The following ZER1 variants were observed in gnomAD, a reference collection of about 807,000 sequenced individuals.
The protein encoded by ZER1 is protein zer-1 homolog.
In ZER1, 11 loss-of-function variants were observed where a neutral mutation model predicts 78.8. The ratio of observed to expected loss-of-function variants is 0.14; its 90% confidence interval spans 0.09 to 0.23. ZER1 has a LOEUF of 0.23. ZER1 is among the 10% of genes least tolerant of loss of function. The probability of loss-of-function intolerance (pLI) is 1.00; values close to 1 mark genes in which losing one functional copy is unlikely to be tolerated. For missense variants in ZER1, 588 were observed against 996.9 expected, an observed-to-expected ratio of 0.59 and a Z score of 5.52; for synonymous variants, 400 against 407.0, an observed-to-expected ratio of 0.98 and a Z score of 0.21.
intron 13 of ZER1, among the ~76,000 whole-genome samples, chr9:128,736,837 G>A (rs1373737484): frequency 6.6e-6 from 1 of 151,936 alleles, no homozygotes; most frequent in Non-Finnish European, 1.5e-5. Context: ...CACCATGCCT[G>A]GCTAATTAAA....
At chr9:128,769,174 C>T (rs1864308013) in intron 1 of ZER1, among the ~76,000 whole-genome samples, 1 of 152,224 alleles carries the variant, frequency 6.6e-6, no homozygotes, top group Middle Eastern at 3.4e-3. Flanking sequence ...TCTTGCTTTC[C>T]CCAATATTTC....
At chr9:128,734,144 A>AAATATATATATATATATATATATATATAT in intron 14 of ZER1, among the ~76,000 whole-genome samples, 4 of 14,410 alleles carry the variant, frequency 2.8e-4, no homozygotes, top group Non-Finnish European at 5.8e-4. Flanking sequence ...AAAAAAAAAA[A>AAATATATATATATATATATATATATATAT]ATATATATAT....
chr9:128,734,483 C>T (rs1440087068), intron 14 of ZER1, among the ~76,000 whole-genome samples: 2 of 151,524 alleles, frequency 1.3e-5, no homozygotes, highest in African/African-American at 4.8e-5. Context: ...AGGCATGAGC[C>T]ACTGCACCCG....
At chr9:128,764,266 G>A (rs1432548983) in intron 1 of ZER1, among the ~76,000 whole-genome samples, 1 of 152,144 alleles carries the variant, frequency 6.6e-6, no homozygotes, top group African/African-American at 2.4e-5. Flanking sequence ...GCCATCAGAG[G>A]TCTGCACGAG....
At position 128,753,491 on chromosome 9, in the gene ZER1, G is replaced by C; in HGVS notation, c.419C>G (p.Thr140Arg). The C allele has an allele frequency of 6.2e-7, 1 of 1,614,118 alleles. No homozygotes were observed. The highest frequency in any genetic ancestry group is 8.5e-7 in the Non-Finnish European group (1 of 1,180,020). ...GTTCTCCTCCTCATAGAAAATGTTTGTACAGCCGAAGAGGCTCAAGGACAC... is the reference window on the plus strand; with the variant it reads ...GTTCTCCTCCTCATAGAAAATGTTTCTACAGCCGAAGAGGCTCAAGGACAC... ...TLVSLSLFGC[T>R]NIFYEEENPG... The change falls in exon 4 of 16, where the codon ACA (threonine) becomes AGA (arginine). Residue 140 changes from threonine (T) to arginine (R), a missense_variant. Coordinates refer to ENST00000291900, the MANE Select transcript of ZER1 (RefSeq NM_006336.4). The surrounding 1 kb of genome is among the most constrained non-coding windows in gnomAD (Gnocchi z 7.5).
At chr9:128,765,594 C>T (rs923524827) in intron 1 of ZER1, among the ~76,000 whole-genome samples, 6 of 152,178 alleles carry the variant, frequency 3.9e-5, no homozygotes, top group African/African-American at 1.2e-4. Context: ...TGTCCTGATA[C>T]CCAGAGGACA....
rs561869556 is a variant in ZER1, at chr9:128,750,546, G to A, written c.1359+70C>T. 2.6e-6 allele frequency: 4 copies of A among 1,563,240 alleles called. No homozygotes were observed. In the East Asian group the frequency reaches 6.8e-5, roughly 26 times the overall value. On this transcript the variant is annotated intron_variant, in intron 8 of 15. Transcript: ENST00000291900. ...GCAGCCCAGAGCCGGGGGAGCCCTAGCGGGACGCAAGAAGCAGGAAAGGGG... is the reference window on the plus strand; with the variant it reads ...GCAGCCCAGAGCCGGGGGAGCCCTAACGGGACGCAAGAAGCAGGAAAGGGG...
intron 1 of ZER1, among the ~76,000 whole-genome samples, chr9:128,768,488 G>C (rs1318150080): frequency 1.3e-5 from 2 of 152,146 alleles, no homozygotes; most frequent in Non-Finnish European, 2.9e-5. Context: ...GAGGCCCAGA[G>C]AGGAGATGGA....
chr9:128,753,102 C>A lies in ZER1; in HGVS notation c.746+62G>T. 6.9e-7 allele frequency: 1 copy of A among 1,454,722 alleles called. No homozygotes were observed. Among genetic ancestry groups the A allele is most frequent in the East Asian group, 2.5e-5 (1 of 40,334 alleles). 90.1% of individuals were successfully genotyped at this position (1,454,722 alleles called of 1,614,324 possible). On this transcript the variant is annotated intron_variant, in intron 4 of 15. Transcript: ENST00000291900. The surrounding 1 kb of genome is among the most constrained non-coding windows in gnomAD (Gnocchi z 7.5). Reference sequence around the variant, plus strand: ...ACCCTGAGGGCGTGACAACACCCACCTCTACTCCTCCCCACCTGCCCCCCA... The same window carrying A: ...ACCCTGAGGGCGTGACAACACCCACATCTACTCCTCCCCACCTGCCCCCCA...
Position 128,741,793 on chromosome 9 carries a change from G to A in ZER1, c.1617+7C>T. ...GGGTAGCGTGGCTTCGTGAAGACTT[G>A]ACTTACTGTCTTGTCCAGCAGCTTC... On this transcript the variant is annotated splice_region_variant and intron_variant, in intron 10 of 15. Coordinates refer to ENST00000291900, the MANE Select transcript of ZER1 (RefSeq NM_006336.4). 1.9e-6 allele frequency: 3 copies of A among 1,614,196 alleles called. No individual in the cohort carries two copies. The highest frequency in any genetic ancestry group is 2.5e-6 in the Non-Finnish European group (3 of 1,180,038).
intron 13 of ZER1, among the ~76,000 whole-genome samples, 177 bp from the exon 14 acceptor site, chr9:128,735,608 C>T (rs2132390934): frequency 6.6e-6 from 1 of 152,112 alleles, no homozygotes; most frequent in South Asian, 2.1e-4. Flanking sequence ...CAACAAGGTT[C>T]CCTTGGAGAG....
rs745866639 is a variant in ZER1 at position 128,751,140 on chromosome 9, C to T, written c.1167G>A (p.Gln389=). ...FDIARIERCN[Q]LLRALKLVIT... Reference sequence around the variant, plus strand: ...AGCTGACCTTCAGGGCCCGCAGCAGCTGGTTGCAACGCTCGATGCGGGCGA... The same window carrying T: ...AGCTGACCTTCAGGGCCCGCAGCAGTTGGTTGCAACGCTCGATGCGGGCGA... The change falls in exon 7 of 16, where the codon CAG becomes CAA. Residue 389 remains glutamine, a synonymous_variant. Coordinates refer to ENST00000291900, the MANE Select transcript of ZER1 (RefSeq NM_006336.4). This position sits in a 1 kb window ranked among gnomAD's most constrained non-coding sequence, Gnocchi z 5.4. The T allele has an allele frequency of 1.3e-6, 2 of 1,597,120 alleles. No individual in the cohort carries two copies. Among genetic ancestry groups the T allele is most frequent in the South Asian group, 1.1e-5 (1 of 89,890 alleles).
rs114733072 is a variant in ZER1, at chr9:128,740,663, G to A, written c.1853+109C>T. 9.7e-4 allele frequency: 617 copies of A among 633,932 alleles called. 2 individuals carry two copies. In the African/African-American group the frequency reaches 0.01, roughly 11 times the overall value. 39.3% of individuals were successfully genotyped at this position (633,932 alleles called of 1,614,324 possible). A position where few individuals can be genotyped will look rare whatever the true frequency, so the allele number is the denominator to read the frequency against. On this transcript the variant is annotated intron_variant, in intron 12 of 15. Transcript: ENST00000291900. The surrounding 1 kb of genome is among the most constrained non-coding windows in gnomAD (Gnocchi z 4.4). ...AGAAACCACATTATCGAGGGAAAAT[G>A]ACATTTATAGCAAACCTAGGCTAAG...
At chr9:128,738,982 G>T (rs1210654865) in intron 13 of ZER1, among the ~76,000 whole-genome samples, 1 of 151,392 alleles carries the variant, frequency 6.6e-6, no homozygotes, top group Non-Finnish European at 1.5e-5. Context: ...CTCCTGAGTA[G>T]CTGGGATTAC....
At chr9:128,731,808 C>T (rs1046225217) in intron 15 of ZER1, among the ~76,000 whole-genome samples, 19 of 152,252 alleles carry the variant, frequency 1.2e-4, no homozygotes, top group African/African-American at 4.6e-4. Context: ...GACTGCACAT[C>T]AGATTCCCCT....
At chr9:128,734,141 AAAAAT>A (rs1862954246) in intron 14 of ZER1, among the ~76,000 whole-genome samples, 1 of 47,994 alleles carries the variant, frequency 2.1e-5, no homozygotes, top group African/African-American at 6.9e-5. Context: ...AAAAAAAAAA[AAAAAT>A]ATATATATAT....
chr9:128,742,719 G>T lies in ZER1; in HGVS notation c.1386C>A (p.Leu462=), dbSNP rs773667866. Residue 462 remains leucine, a synonymous_variant, in exon 9 of 16, where the codon CTC becomes CTA. Coordinates refer to ENST00000291900, the MANE Select transcript of ZER1 (RefSeq NM_006336.4). The stretch of plus-strand genomic sequence containing the variant: ...GCTCCTCGGGGATGCTGAAGTTGCA[G>T]AGCGTCAGGCAGCAGTTCCGCTGCA... The part of the protein sequence containing the change: ...VTVQRNCCLT[L]CNFSIPEELE... The T allele has an allele frequency of 5.6e-6, 9 of 1,612,904 alleles. No individual in the cohort carries two copies. The highest frequency in any genetic ancestry group is 1.7e-6 in the Non-Finnish European group (2 of 1,179,548).
chr9:128,767,302 A>C (rs372746115), intron 1 of ZER1, among the ~76,000 whole-genome samples: 1 of 152,016 alleles, frequency 6.6e-6, no homozygotes, highest in Non-Finnish European at 1.5e-5. Context: ...GCTGGAGTGC[A>C]GTGGTACGAT....
At chr9:128,761,392 T>C (rs1326498728) in intron 1 of ZER1, among the ~76,000 whole-genome samples, 3 of 151,672 alleles carry the variant, frequency 2.0e-5, no homozygotes, top group African/African-American at 7.3e-5. Context: ...GTTCAAGTTA[T>C]TCTCCTGCCT....
Sources: allele counts gnomAD v4.1 joint callset (sites outside exome capture counted in the v4.1 genomes callset), GRCh38; gene constraint gnomAD v4.1.1; non-coding constraint Gnocchi (gnomAD v3.1); transcripts MANE v1.5; gene names NCBI Gene and HGNC (gene_info 2026-07-23, HGNC 2026-07-21).